The following SCN8A variants were observed in gnomAD, a reference collection of about 807,000 sequenced individuals.
SCN8A encodes sodium voltage-gated channel alpha subunit 8.
In SCN8A, 30 loss-of-function variants were observed where a neutral mutation model predicts 184.1. That is an observed-to-expected ratio of 0.16 (90% CI 0.12 to 0.22). The LOEUF is 0.22. SCN8A is among the 10% of genes least tolerant of loss of function. SCN8A has a pLI of 1.00. For synonymous variants in SCN8A, 852 were observed against 907.0 expected (o/e 0.94, Z 1.09); for missense variants, 1,057 against 2,498.9 (o/e 0.42, Z 12.30).
chr12:51,617,591 A>G lies in SCN8A; in HGVS notation c.-55+26232A>G, dbSNP rs148681598. Among the ~76,000 whole-genome samples, 337 of 152,228 alleles carry G rather than the reference A, an allele frequency of 2.2e-3. 4 individuals carry two copies. Among genetic ancestry groups the G allele is most frequent in the African/African-American group, 7.9e-3 (327 of 41,546 alleles). On this transcript the variant is annotated intron_variant, in intron 1 of 26. Coordinates refer to ENST00000627620, the MANE Select transcript of SCN8A (RefSeq NM_001330260.2). ...TTGCCAATTCTAACATCTTGCATTG[A>G]TATCTGTTGATTGTCTTTTTCCTTG... is the stretch of plus-strand genomic sequence containing the variant.
At chr12:51,649,208 C>T (rs1270443206) in intron 1 of SCN8A, among the ~76,000 whole-genome samples, 1 of 152,180 alleles carries the variant, frequency 6.6e-6, no homozygotes, top group African/African-American at 2.4e-5. Context: ...GCTGCTCCAC[C>T]CTTGTGGTTT....
intron 7 of SCN8A, among the ~76,000 whole-genome samples, 193 bp downstream of exon 7, chr12:51,699,984 T>C (rs1242038304): frequency 6.6e-6 from 1 of 151,950 alleles, no homozygotes; most frequent in Non-Finnish European, 1.5e-5. Context: ...CTGACCAACA[T>C]GGAGAAACCC....
At chr12:51,761,465 A>ATTTAT (rs557023068) in intron 14 of SCN8A, among the ~76,000 whole-genome samples, 1,484 of 147,950 alleles carry the variant, frequency 0.01, 21 homozygotes, top group African/African-American at 0.034. Context: ...TTATTTATTT[A>ATTTAT]TTATTATTTA....
At chr12:51,592,740 G>A (rs1458509375) in intron 1 of SCN8A, among the ~76,000 whole-genome samples, 1 of 152,010 alleles carries the variant, frequency 6.6e-6, no homozygotes, top group African/African-American at 2.4e-5. Context: ...GGGTAAAGGG[G>A]GAGAGTGCTT....
At chr12:51,648,116 G>A (rs1015652173) in intron 1 of SCN8A, among the ~76,000 whole-genome samples, 1 of 152,226 alleles carries the variant, frequency 6.6e-6, no homozygotes, top group Non-Finnish European at 1.5e-5. Context: ...AGGATTGGGG[G>A]AGGTTCTTTA....
At chr12:51,687,341 C>A in intron 5 of SCN8A, 122 bp downstream of exon 5, 1 of 1,108,398 alleles carries the variant, frequency 9.0e-7, no homozygotes, top group Non-Finnish European at 1.3e-6. Flanking sequence ...AATGGATAAC[C>A]ATGTAAGGCC....
intron 1 of SCN8A, among the ~76,000 whole-genome samples, chr12:51,651,223 T>C (rs1940707039): frequency 6.6e-6 from 1 of 152,110 alleles, no homozygotes; most frequent in Admixed American, 6.5e-5. Context: ...TGGCCAGTTT[T>C]GGGGCCAGTT....
chr12:51,647,048 A>G (rs2138644078), intron 1 of SCN8A, among the ~76,000 whole-genome samples: 1 of 152,304 alleles, frequency 6.6e-6, no homozygotes, highest in Non-Finnish European at 1.5e-5. Context: ...GTGTTTTTAG[A>G]TTAAAATATC....
chr12:51,721,629 G>A lies in SCN8A; in HGVS notation c.1719G>A (p.Arg573=). The change falls in exon 12 of 27, where the codon CGG becomes CGA. Residue 573 remains arginine, a synonymous_variant. Coordinates refer to ENST00000627620, the MANE Select transcript of SCN8A (RefSeq NM_001330260.2). ...SSIFSFRGPG[R]FRDPGSENEF... is the part of the protein sequence containing the mutation. Reference sequence around the variant, plus strand: ...TCTTCAGTTTCAGGGGACCTGGGCGGTTCCGAGACCCGGGCTCCGAGAATG... The same window carrying A: ...TCTTCAGTTTCAGGGGACCTGGGCGATTCCGAGACCCGGGCTCCGAGAATG... The A allele has an allele frequency of 6.2e-7, 1 of 1,612,788 alleles. No homozygotes were observed.
intron 1 of SCN8A, among the ~76,000 whole-genome samples, chr12:51,602,873 A>G (rs1367418976): frequency 6.6e-6 from 1 of 152,218 alleles, no homozygotes; most frequent in Non-Finnish European, 1.5e-5. Flanking sequence ...GAATAAGCTC[A>G]ATAAAACTAA....
chr12:51,786,674 G>A lies in SCN8A; in HGVS notation c.4075G>A (p.Glu1359Lys). Reference sequence around the variant, plus strand: ...GGGAAAGTACCACTACTGCTTTAATGAGACTTCTGAAATCCGATTTGAAAT... The same window carrying A: ...GGGAAAGTACCACTACTGCTTTAATAAGACTTCTGAAATCCGATTTGAAAT... ...FAGKYHYCFN[E>K]TSEIRFEIED... Residue 1359 changes from glutamate to lysine, a missense_variant, in exon 22 of 27, where the codon GAG becomes AAG. By Grantham distance (56) the Glu-to-Lys change is moderately conservative. Around this residue, in one of 19 missense-constraint regions of SCN8A, gnomAD observed 13 missense variants for 20.0 expected, o/e 0.65. Coordinates refer to ENST00000627620, the MANE Select transcript of SCN8A (RefSeq NM_001330260.2). 6.2e-7 allele frequency: 1 copy of A among 1,613,968 alleles called. No homozygotes were observed. The highest frequency in any genetic ancestry group is 8.5e-7 in the Non-Finnish European group (1 of 1,179,882).
intron 12 of SCN8A, among the ~76,000 whole-genome samples, chr12:51,739,441 G>A (rs1942382914): frequency 6.6e-6 from 1 of 152,182 alleles, no homozygotes; most frequent in Non-Finnish European, 1.5e-5. Context: ...AGGAGGGGGT[G>A]CAGAAGGGTA....
chr12:51,615,314 G>A (rs1939811461), intron 1 of SCN8A, among the ~76,000 whole-genome samples: 1 of 152,076 alleles, frequency 6.6e-6, no homozygotes, highest in African/African-American at 2.4e-5. Context: ...AAACACTTTG[G>A]GAGGCCAAGG....
At chr12:51,685,219 A>C (rs1267647996) in intron 3 of SCN8A, among the ~76,000 whole-genome samples, 1 of 152,220 alleles carries the variant, frequency 6.6e-6, no homozygotes, top group Non-Finnish European at 1.5e-5. Context: ...CTGTTGGATC[A>C]GAAGATGGAG....
At position 51,699,041 on chromosome 12, in the gene SCN8A, A is replaced by G. The variant is rs145150840; in HGVS notation, c.707-529A>G. Among the ~76,000 whole-genome samples, 557 of 152,370 alleles carry G rather than the reference A, an allele frequency of 3.7e-3. 2 individuals are homozygous for G. The highest frequency in any genetic ancestry group is 0.013 in the African/African-American group (527 of 41,596). On this transcript the variant is annotated intron_variant, in intron 6 of 26. Transcript: ENST00000627620. ...AGGTAGATATAAAAAATCAATTATA[A>G]CCATGACAAATGCTACAGAAGAAAG...
At chr12:51,621,582 A>G (rs1489183060) in intron 1 of SCN8A, among the ~76,000 whole-genome samples, 2 of 152,226 alleles carry the variant, frequency 1.3e-5, no homozygotes, top group Non-Finnish European at 2.9e-5. Flanking sequence ...TATATTATCT[A>G]TTCATGTATA....
chr12:51,737,582 C>T lies in SCN8A; in HGVS notation c.1999-8321C>T, dbSNP rs146065451. Among the ~76,000 whole-genome samples the T allele has an allele frequency of 3.0e-4, 45 of 152,290 alleles. 1 individual carries two copies. In the East Asian group the frequency reaches 7.9e-3, roughly 27 times the overall value. ...ATTTAATGTTTTTAGTTGATCCCTA[C>T]GTATGGTTACTTTTTGTGGCACAAT... On this transcript the variant is annotated intron_variant, in intron 12 of 26. Transcript: ENST00000627620.
intron 8 of SCN8A, 124 bp from the exon 9 acceptor site, chr12:51,702,649 T>G: frequency 1.3e-6 from 1 of 795,656 alleles, no homozygotes; most frequent in South Asian, 4.6e-5. Flanking sequence ...GGCCTGGCTC[T>G]ATCAATGGTT....
intron 19 of SCN8A, 95 bp from the exon 20 acceptor site, chr12:51,774,094 C>A: frequency 9.2e-7 from 1 of 1,089,024 alleles, no homozygotes; most frequent in Non-Finnish European, 1.3e-6. Flanking sequence ...GATGACAGGC[C>A]AGCCCATGTG....
Sources: allele counts gnomAD v4.1 joint callset (sites outside exome capture counted in the v4.1 genomes callset), GRCh38; gene constraint gnomAD v4.1.1; regional missense constraint gnomAD v4.1.1; transcripts MANE v1.5; gene names NCBI Gene and HGNC (gene_info 2026-07-23, HGNC 2026-07-21).